CHCHD3: variants seen among roughly 807,000 people sequenced by gnomAD.
The protein encoded by CHCHD3 is MICOS complex subunit MIC19.
CHCHD3 carries 20 observed loss-of-function variants against 38.2 expected under a neutral mutation model. The observed-to-expected ratio is 0.52, with a 90% CI of 0.37 to 0.76. The LOEUF (loss-of-function observed/expected upper bound fraction) is 0.76. CHCHD3 is among the 30% of genes least tolerant of loss of function. The pLI, the probability that CHCHD3 is intolerant of heterozygous loss-of-function variation, is 0.00. For synonymous variants in CHCHD3, 82 were observed against 100.0 expected (o/e 0.82, Z 1.07); for missense variants, 245 against 279.2 (o/e 0.88, Z 0.87).
At chr7:133,029,508 T>C (rs1813443217) in intron 2 of CHCHD3, among the ~76,000 whole-genome samples, 2 of 152,214 alleles carry the variant, frequency 1.3e-5, no homozygotes, top group Non-Finnish European at 2.9e-5. Flanking sequence ...TTTCTGTGTC[T>C]GGCTTATTTC....
At chr7:133,055,840 T>C (rs1453071411) in intron 2 of CHCHD3, among the ~76,000 whole-genome samples, 5 of 151,888 alleles carry the variant, frequency 3.3e-5, no homozygotes, top group Admixed American at 3.3e-4. Context: ...TAATTAAAAA[T>C]AGTATAAAGA....
intron 4 of CHCHD3, among the ~76,000 whole-genome samples, chr7:132,955,359 T>G (rs937125644): frequency 6.6e-5 from 10 of 152,146 alleles, no homozygotes; most frequent in Non-Finnish European, 1.5e-4. Flanking sequence ...CATGATTGCC[T>G]AGCTTTCTAC....
At chr7:132,918,920 A>G (rs1004682604) in intron 4 of CHCHD3, among the ~76,000 whole-genome samples, 2 of 152,112 alleles carry the variant, frequency 1.3e-5, no homozygotes, top group Non-Finnish European at 2.9e-5. Context: ...CAGGAGTGTC[A>G]GAAAGTCTAC....
chr7:132,938,225 C>T (rs928153483), intron 4 of CHCHD3, among the ~76,000 whole-genome samples: 8 of 152,102 alleles, frequency 5.3e-5, no homozygotes, highest in Non-Finnish European at 8.8e-5. Flanking sequence ...TGCTCAAAAT[C>T]ATGTTGTGTG....
At chr7:133,051,811 C>T (rs1053007968) in intron 2 of CHCHD3, among the ~76,000 whole-genome samples, 4 of 152,080 alleles carry the variant, frequency 2.6e-5, no homozygotes, top group Admixed American at 2.0e-4. Flanking sequence ...TCTAATCATT[C>T]GTTCAAAAAA....
rs150637805 is a variant in CHCHD3 at position 132,947,134 on chromosome 7, A to C, written c.369+28035T>G. Among the ~76,000 whole-genome samples the C allele has an allele frequency of 6.2e-3, 942 of 152,112 alleles. 12 individuals are homozygous for C. Among genetic ancestry groups the C allele is most frequent in the African/African-American group, 0.021 (887 of 41,558 alleles). On this transcript the variant is annotated intron_variant, in intron 4 of 7. Transcript: ENST00000262570. ...ATTTTTAAAGCAAGTAGACAATTAGATATCTTAATAAAATAACTTTCTTAT... is the reference window on the plus strand; with the variant it reads ...ATTTTTAAAGCAAGTAGACAATTAGCTATCTTAATAAAATAACTTTCTTAT...
At chr7:133,058,705 T>A (rs1584678238) in intron 2 of CHCHD3, among the ~76,000 whole-genome samples, 1 of 152,072 alleles carries the variant, frequency 6.6e-6, no homozygotes, top group Non-Finnish European at 1.5e-5. Flanking sequence ...GACCACTATG[T>A]CAACAAAAAA....
chr7:132,798,941 CT>C (rs1011069010), intron 6 of CHCHD3, among the ~76,000 whole-genome samples: 8 of 151,622 alleles, frequency 5.3e-5, no homozygotes, highest in African/African-American at 1.5e-4. Flanking sequence ...TCAAAATATA[CT>C]TTTATCACCA....
intron 2 of CHCHD3, among the ~76,000 whole-genome samples, chr7:133,036,638 C>T (rs1242955751): frequency 5.3e-5 from 8 of 152,194 alleles, no homozygotes; most frequent in African/African-American, 1.9e-4. Flanking sequence ...GACCTGTGTT[C>T]TCCTGACTAC....
rs151130418 is a variant in CHCHD3 at position 132,841,691 on chromosome 7, G to A, written c.454-3222C>T. 1.2e-3 allele frequency among the ~76,000 whole-genome samples: 188 copies of A among 152,314 alleles called. 4 individuals are homozygous for A. The East Asian group carries it at 0.03, about 24-fold the overall frequency. On this transcript the variant is annotated intron_variant, in intron 5 of 7. Transcript: ENST00000262570. ...AGTGGCAGCAGTCATGTGGTGTGGTGGAAGTGCACAAAAGGAGCAGGATGC... is the reference window on the plus strand; with the variant it reads ...AGTGGCAGCAGTCATGTGGTGTGGTAGAAGTGCACAAAAGGAGCAGGATGC...
chr7:132,892,640 T>C (rs1365843987), intron 4 of CHCHD3, among the ~76,000 whole-genome samples: 1 of 152,072 alleles, frequency 6.6e-6, no homozygotes, highest in Non-Finnish European at 1.5e-5. Context: ...TCCAGAGGCC[T>C]AGGAAGGAAA....
At chr7:132,934,583 G>A (rs1159344759) in intron 4 of CHCHD3, among the ~76,000 whole-genome samples, 1 of 152,138 alleles carries the variant, frequency 6.6e-6, no homozygotes, top group Non-Finnish European at 1.5e-5. Flanking sequence ...CTCCAAGAGA[G>A]CAGCGGCCTG....
intron 5 of CHCHD3, among the ~76,000 whole-genome samples, chr7:132,884,077 C>T (rs905535203): frequency 3.3e-5 from 5 of 152,128 alleles, no homozygotes; most frequent in South Asian, 2.1e-4. Context: ...ATCCCTTTTC[C>T]GAATTACTGC....
intron 3 of CHCHD3, among the ~76,000 whole-genome samples, chr7:133,005,804 T>C (rs1403072284): frequency 6.6e-6 from 1 of 152,248 alleles, no homozygotes; most frequent in African/African-American, 2.4e-5. Context: ...ACATTTGATC[T>C]TATGGCACAA....
intron 2 of CHCHD3, among the ~76,000 whole-genome samples, chr7:133,039,496 A>C (rs1296586525): frequency 2.6e-5 from 4 of 152,230 alleles, no homozygotes; most frequent in African/African-American, 9.6e-5. Context: ...AAATCCAAAC[A>C]GGAATTCAGA....
At chr7:132,933,523 A>G (rs544717372) in intron 4 of CHCHD3, among the ~76,000 whole-genome samples, 2 of 152,356 alleles carry the variant, frequency 1.3e-5, no homozygotes, top group South Asian at 2.1e-4. Flanking sequence ...TTTGAAAAAT[A>G]CTAGGTCCCA....
At chr7:132,873,088 T>C (rs113529107) in intron 5 of CHCHD3, among the ~76,000 whole-genome samples, 1 of 151,208 alleles carries the variant, frequency 6.6e-6, no homozygotes, top group African/African-American at 2.4e-5. Flanking sequence ...AGATTCTGTC[T>C]CAAAAATTAA....
At chr7:133,071,623 AG>A (rs767399272) in intron 1 of CHCHD3, among the ~76,000 whole-genome samples, 4 of 152,318 alleles carry the variant, frequency 2.6e-5, no homozygotes, top group Non-Finnish European at 4.4e-5. Context: ...GAAGCTATTA[AG>A]CATATGTCCA....
chr7:132,993,686 GC>G (rs1812340874), intron 3 of CHCHD3, among the ~76,000 whole-genome samples: 1 of 152,186 alleles, frequency 6.6e-6, no homozygotes, highest in Non-Finnish European at 1.5e-5. Flanking sequence ...TGAGTTTGCA[GC>G]CCCCTCTTAA....
Sources: gnomAD v4.1 joint callset for allele counts (sites outside exome capture counted in the v4.1 genomes callset) on GRCh38, gnomAD v4.1.1 for gene constraint, MANE v1.5 for transcripts, NCBI Gene and HGNC (gene_info 2026-07-23, HGNC 2026-07-21) for gene names.